Variants in SYMPK observed in about 807,000 individuals in gnomAD.
SYMPK encodes the protein symplekin scaffold protein.
In SYMPK, 49 loss-of-function variants were observed where a neutral mutation model predicts 136.4. That is an observed-to-expected ratio of 0.36 (90% confidence interval 0.29 to 0.46). The LOEUF is 0.46. SYMPK is among the 20% of genes least tolerant of loss of function. SYMPK has a pLI of 1.00. For synonymous variants in SYMPK, 766 were observed against 713.0 expected (o/e 1.07, Z -1.19); for missense variants, 1,365 against 1,690.0 (o/e 0.81, Z 3.37).
intron 10 of SYMPK, among the ~76,000 whole-genome samples, chr19:45,837,612 G>C (rs1404122406): frequency 3.5e-5 from 3 of 84,890 alleles, no homozygotes; most frequent in Admixed American, 1.4e-4. Context: ...GCGAGACTCT[G>C]CCTCAAAAAA....
chr19:45,824,673 T>A (rs938850463), intron 18 of SYMPK, among the ~76,000 whole-genome samples: 1 of 152,192 alleles, frequency 6.6e-6, no homozygotes, highest in African/African-American at 2.4e-5. Flanking sequence ...AGAGCAGACC[T>A]TCTAATCTCA....
intron 3 of SYMPK, 84 bp downstream of exon 3, chr19:45,854,091 C>T: frequency 7.8e-7 from 1 of 1,286,092 alleles, no homozygotes; most frequent in South Asian, 1.2e-5. Context: ...AATGTGGACA[C>T]TGGTGTTACT....
intron 10 of SYMPK, 60 bp downstream of exon 10, chr19:45,838,400 GA>G: frequency 6.4e-7 from 1 of 1,553,816 alleles, no homozygotes; most frequent in Non-Finnish European, 8.7e-7. Context: ...GGAGGCAGGT[GA>G]AAGACCGAGG....
At chr19:45,844,670 A>G (rs544848908) in intron 7 of SYMPK, among the ~76,000 whole-genome samples, 5 of 147,922 alleles carry the variant, frequency 3.4e-5, no homozygotes, top group Non-Finnish European at 6.0e-5. Flanking sequence ...GTTGGACTCC[A>G]TATTAAAAAA....
chr19:45,835,101 A>T lies in SYMPK; in HGVS notation c.1370T>A (p.Met457Lys). 6.2e-7 allele frequency: 1 copy of T among 1,609,462 alleles called. No homozygotes were observed. The change falls in exon 11 of 27, where the codon ATG becomes AAG. Residue 457 changes from methionine to lysine, a missense_variant. Met to Lys is a moderately conservative substitution (Grantham distance 95, BLOSUM62 -1). Transcript: ENST00000245934. The part of the protein sequence containing the change: ...KHLARLMATQ[M>K]TAAGLGPGVE... The stretch of plus-strand genomic sequence containing the variant: ...ACCTGGTCCCAGTCCGGCAGCTGTC[A>T]TCTGTGTGGCCATGAGCCGAGCCAG...
chr19:45,844,583 G>C (rs1192219527), intron 7 of SYMPK, among the ~76,000 whole-genome samples: 1 of 152,080 alleles, frequency 6.6e-6, no homozygotes, highest in Non-Finnish European at 1.5e-5. Flanking sequence ...GCTGAGGCAG[G>C]AGAATCGCTT....
At chr19:45,828,935 T>C (rs771760663) in intron 14 of SYMPK, 35 bp downstream of exon 14, 18 of 1,597,780 alleles carry the variant, frequency 1.1e-5, no homozygotes, top group Non-Finnish European at 1.5e-5. Context: ...AGGAAGCCTC[T>C]CGGGGACAGG....
chr19:45,831,528 T>C lies in SYMPK; in HGVS notation c.1454A>G (p.Glu485Gly). Residue 485 changes from glutamate (E) to glycine (G), a missense_variant, in exon 12 of 27, where the codon GAG becomes GGG. By Grantham distance (98) the Glu-to-Gly change is moderately conservative. Around this residue, in one of 11 missense-constraint regions of SYMPK, gnomAD observed 46 missense variants for 63.9 expected, o/e 0.72. Coordinates refer to ENST00000245934, the MANE Select transcript of SYMPK (RefSeq NM_004819.3). ...EPKEEKVVKT[E>G]SVLIKRRLSA... ...CAGGCGCCGCTTGATCAGGACGCTC[T>C]CTGTCTTCACCACCTTCTCCTCCTT... 1 of 1,611,378 alleles carries C rather than the reference T, an allele frequency of 6.2e-7. No homozygotes were observed. The highest frequency in any genetic ancestry group is 1.1e-5 in the South Asian group (1 of 90,362).
intron 1 of SYMPK, among the ~76,000 whole-genome samples, chr19:45,857,455 A>G (rs1365804245): frequency 6.7e-6 from 1 of 149,918 alleles, no homozygotes; most frequent in Non-Finnish European, 1.5e-5. Context: ...ACAAACAAAC[A>G]TGCCAAAAAA....
chr19:45,816,120 C>T lies in SYMPK; in HGVS notation c.3418G>A (p.Gly1140Ser). ...PAPRPPQDLI[G>S]LRLAQEKALK... ...GCCTTCTCCTGGGCCAGTCGCAGGC[C>T]GATGAGGTCCTGAGGGGGCCGGGGT... Residue 1140 changes from glycine (G) to serine (S), a missense_variant, in exon 26 of 27, where the codon GGC becomes AGC. Around this residue, in one of 11 missense-constraint regions of SYMPK, gnomAD observed 341 missense variants for 270.5 expected, o/e 1.26. Transcript: ENST00000245934. The T allele has an allele frequency of 6.4e-7, 1 of 1,554,954 alleles. No homozygotes were observed. The highest frequency in any genetic ancestry group is 8.7e-7 in the Non-Finnish European group (1 of 1,148,938).
intron 3 of SYMPK, 114 bp from the exon 4 acceptor site, chr19:45,852,649 C>T (rs1281921944): frequency 5.6e-6 from 7 of 1,259,428 alleles, no homozygotes; most frequent in Non-Finnish European, 8.0e-6. Flanking sequence ...CAGATACACT[C>T]ATTTCAATGC....
At chr19:45,856,038 C>T (rs1435705596) in intron 1 of SYMPK, among the ~76,000 whole-genome samples, 1 of 151,776 alleles carries the variant, frequency 6.6e-6, no homozygotes, top group Non-Finnish European at 1.5e-5. Flanking sequence ...AAACCAAAAA[C>T]CAGCAGAGGA....
At chr19:45,828,774 G>A (rs1971103568) in intron 14 of SYMPK, 196 bp downstream of exon 14, 2 of 606,148 alleles carry the variant, frequency 3.3e-6, no homozygotes, top group Admixed American at 2.9e-5. Flanking sequence ...CAGGGAGTGC[G>A]ACCTGGAGCC....
intron 9 of SYMPK, among the ~76,000 whole-genome samples, chr19:45,839,177 C>T (rs1971378039): frequency 6.6e-6 from 1 of 152,208 alleles, no homozygotes; most frequent in Non-Finnish European, 1.5e-5. Context: ...GCATGAGCCA[C>T]CACGCCCAGC....
chr19:45,857,204 T>C (rs1292138385), intron 1 of SYMPK, among the ~76,000 whole-genome samples: 1 of 151,234 alleles, frequency 6.6e-6, no homozygotes, highest in Non-Finnish European at 1.5e-5. Context: ...GGTCAGGAGA[T>C]CGAGACCATC....
chr19:45,821,639 AG>A lies in SYMPK; in HGVS notation c.2792-155del, dbSNP rs1220609904. Among the ~76,000 whole-genome samples, 1 of 152,308 alleles carries A rather than the reference AG, an allele frequency of 6.6e-6. No homozygotes were observed. Among genetic ancestry groups the A allele is most frequent in the East Asian group, 1.9e-4 (1 of 5,188 alleles). On this transcript the variant is annotated intron_variant, in intron 21 of 26. Coordinates refer to ENST00000245934, the MANE Select transcript of SYMPK (RefSeq NM_004819.3). This position sits in a 1 kb window ranked among gnomAD's most constrained non-coding sequence, Gnocchi z 4.4. Reference sequence around the variant, plus strand: ...AGGGGAAGCGACTGACAACATAAAAAGGGGACACCGAAGGCAGCAGCAGCCC... The same window carrying A: ...AGGGGAAGCGACTGACAACATAAAAAGGGACACCGAAGGCAGCAGCAGCCC...
chr19:45,834,449 A>G (rs1396508038), intron 11 of SYMPK, among the ~76,000 whole-genome samples: 1 of 151,154 alleles, frequency 6.6e-6, no homozygotes, highest in Admixed American at 6.6e-5. Context: ...ACAGAGCGAG[A>G]CTTTGTCTCA....
At chr19:45,851,186 A>G (rs1042554654) in intron 5 of SYMPK, among the ~76,000 whole-genome samples, 1 of 152,178 alleles carries the variant, frequency 6.6e-6, no homozygotes, top group African/African-American at 2.4e-5. Flanking sequence ...CAAGAGTGGA[A>G]GCGGGAAATG....
chr19:45,854,350 G>T, intron 2 of SYMPK, 41 bp downstream of exon 2: 1 of 1,608,898 alleles, frequency 6.2e-7, no homozygotes, highest in Non-Finnish European at 8.5e-7. Context: ...CAAAGCCAGG[G>T]GCTATGCTTC....
Sources: allele counts gnomAD v4.1 joint callset (sites outside exome capture counted in the v4.1 genomes callset), GRCh38; gene constraint gnomAD v4.1.1; regional missense constraint gnomAD v4.1.1; non-coding constraint Gnocchi (gnomAD v3.1); transcripts MANE v1.5; gene names NCBI Gene and HGNC (gene_info 2026-07-23, HGNC 2026-07-21).